The following MKI67 variants were observed in gnomAD, a reference collection of about 807,000 sequenced individuals.
The protein encoded by MKI67 is marker of proliferation Ki-67, also known as proliferation marker protein Ki-67.
MKI67 carries 152 observed loss-of-function variants against 233.5 expected under a neutral mutation model. The observed-to-expected ratio is 0.65, with a 90% CI of 0.57 to 0.74. MKI67 has a LOEUF of 0.74. Among genes scored for constraint, MKI67 ranks in the 30% least tolerant of loss-of-function variants. The pLI is 0.00. For synonymous variants in MKI67, 1,465 were observed against 1,418.5 expected, an observed-to-expected ratio of 1.03 and a Z score of -0.74; for missense variants, 3,940 against 3,885.2, an observed-to-expected ratio of 1.01 and a Z score of -0.37.
Position 128,112,401 on chromosome 10 carries a change from G to T in MKI67, c.1701C>A (p.Ile567=), listed in dbSNP as rs1245977830. ...PSGKQESGSE[I]HVEVKAQSLV... ...AGCTTTGTGCCTTCACTTCCACATG[G>T]ATTTCTGAACCTGACTCTTGTTTTC... The change falls in exon 9 of 15, where the codon ATC becomes ATA. Residue 567 remains isoleucine (I), a synonymous_variant. Coordinates refer to ENST00000368654, the MANE Select transcript of MKI67 (RefSeq NM_002417.5). 1 of 1,614,050 alleles carries T rather than the reference G, an allele frequency of 6.2e-7. No homozygotes were observed. Among genetic ancestry groups the T allele is most frequent in the African/African-American group, 1.3e-5 (1 of 74,924 alleles).
Position 128,108,850 on chromosome 10 carries a change from C to G in MKI67, c.2990G>C (p.Ser997Thr), listed in dbSNP as rs1264712645. 1 of 1,614,170 alleles carries G rather than the reference C, an allele frequency of 6.2e-7. No homozygotes were observed. Among genetic ancestry groups the G allele is most frequent in the African/African-American group, 1.3e-5 (1 of 75,044 alleles). Reference protein sequence around the residue: ...QTQDHAKAPKSEKGKITKMPC... With the variant: ...QTQDHAKAPKTEKGKITKMPC... The stretch of plus-strand genomic sequence containing the variant: ...CATTTTAGTGATTTTGCCTTTCTCA[C>G]TCTTTGGTGCCTTGGCATGATCTTG... Residue 997 changes from serine (S) to threonine (T), a missense_variant, in exon 13 of 15, where the codon AGT becomes ACT. Coordinates refer to ENST00000368654, the MANE Select transcript of MKI67 (RefSeq NM_002417.5).
In MKI67 at chr10:128,125,932, C is replaced by A. The variant is rs1470603664; in HGVS notation, c.-90+167G>T. 2.0e-5 allele frequency among the ~76,000 whole-genome samples: 3 copies of A among 152,048 alleles called. No homozygotes were observed. Among genetic ancestry groups the A allele is most frequent in the African/African-American group, 4.8e-5 (2 of 41,404 alleles). On this transcript the variant is annotated intron_variant, in intron 1 of 14. Coordinates refer to ENST00000368654, the MANE Select transcript of MKI67 (RefSeq NM_002417.5). This position sits in a 1 kb window ranked among gnomAD's most constrained non-coding sequence, Gnocchi z 5.3. ...CCGGCAGCTGGGGTGTTGTCGCCAGCGCCTGCGCCTCCTGGGAGCTTCCAC... is the reference window on the plus strand; with the variant it reads ...CCGGCAGCTGGGGTGTTGTCGCCAGAGCCTGCGCCTCCTGGGAGCTTCCAC...
rs367825953 is a variant in MKI67 at position 128,107,609 on chromosome 10, T to C, written c.4231A>G (p.Thr1411Ala). The change falls in exon 13 of 15, where the codon ACA becomes GCA. Residue 1411 changes from threonine (T) to alanine (A), a missense_variant. Physicochemically the swap from Thr to Ala is moderately conservative, Grantham distance 58. Coordinates refer to ENST00000368654, the MANE Select transcript of MKI67 (RefSeq NM_002417.5). ...TGTGTGGTTTCCCCTGATGTCTGTG[T>C]GAGCTTCTTCAGGGCTGAGAGCTCC... ...QKELSALKKL[T>A]QTSGETTHTD... The C allele has an allele frequency of 4.3e-6, 7 of 1,614,094 alleles. No homozygotes were observed. The highest frequency in any genetic ancestry group is 2.7e-5 in the African/African-American group (2 of 74,928).
Position 128,103,121 on chromosome 10 carries a change from C to T in MKI67, c.8719G>A (p.Ala2907Thr). The part of the protein sequence containing the change: ...DVIGSRRQPR[A>T]PKEKAQPLED... ...AGGGGTTGGGCCTTTTCCTTAGGTGCTCTTGGCTGTCTCCTGCTGCCAATT... is the reference window on the plus strand; with the variant it reads ...AGGGGTTGGGCCTTTTCCTTAGGTGTTCTTGGCTGTCTCCTGCTGCCAATT... The change falls in exon 13 of 15, where the codon GCA becomes ACA. Residue 2907 changes from alanine (A) to threonine (T), a missense_variant. Physicochemically the swap from Ala to Thr is moderately conservative, Grantham distance 58 (BLOSUM62 0). Coordinates refer to ENST00000368654, the MANE Select transcript of MKI67 (RefSeq NM_002417.5). The T allele has an allele frequency of 6.2e-7, 1 of 1,614,230 alleles. No individual in the cohort carries two copies.
rs141736143 is a variant in MKI67 at position 128,110,870 on chromosome 10, C to T, written c.2261-337G>A. On this transcript the variant is annotated intron_variant, in intron 11 of 14. Coordinates refer to ENST00000368654, the MANE Select transcript of MKI67 (RefSeq NM_002417.5). ...CGGGCTCCTGAGACCCATAGGCCTC[C>T]CTGCTAGGATCTAGAGGCCAAATGC... Among the ~76,000 whole-genome samples the T allele has an allele frequency of 1.2e-4, 19 of 152,296 alleles. No homozygotes were observed. The East Asian group carries it at 3.7e-3, about 29-fold the overall frequency.
At chr10:128,109,472 C>A in intron 12 of MKI67, 49 bp from the exon 13 acceptor site, 1 of 1,558,704 alleles carries the variant, frequency 6.4e-7, no homozygotes, top group South Asian at 1.2e-5. Context: ...TGTCTCATGT[C>A]AATCGAGTAT....
At chr10:128,102,456 G>T in intron 13 of MKI67, 123 bp downstream of exon 13, 2 of 1,232,830 alleles carry the variant, frequency 1.6e-6, no homozygotes, top group Non-Finnish European at 2.3e-6. Flanking sequence ...GTTATTCAGT[G>T]TTAAAGGAAA....
rs1316282406 is a variant in MKI67, at chr10:128,103,699, A to G, written c.8141T>C (p.Val2714Ala). Residue 2714 changes from valine (V) to alanine (A), a missense_variant, in exon 13 of 15, where the codon GTA becomes GCA. By Grantham distance (64) the Val-to-Ala change is moderately conservative. Transcript: ENST00000368654. Reference protein sequence around the residue: ...IPCESPPLEVVDTTASTKRHL... With the variant: ...IPCESPPLEVADTTASTKRHL... ...CCTCTTTGTGCTTGCTGTGGTGTCT[A>G]CCACTTCTAGTGGGGGAGATTCGCA... is the stretch of plus-strand genomic sequence containing the variant. 6.2e-7 allele frequency: 1 copy of G among 1,613,382 alleles called. No homozygotes were observed. Among genetic ancestry groups the G allele is most frequent in the Non-Finnish European group, 8.5e-7 (1 of 1,179,906 alleles).
intron 2 of MKI67, among the ~76,000 whole-genome samples, chr10:128,124,426 T>A (rs1260361930): frequency 6.6e-6 from 1 of 152,164 alleles, no homozygotes; most frequent in Non-Finnish European, 1.5e-5. Context: ...TCCTCCGCGA[T>A]GACAGCGCAT....
At position 128,102,903 on chromosome 10, in the gene MKI67, G is replaced by C. The variant is rs756992586; in HGVS notation, c.8937C>G (p.Asp2979Glu). ...TGCTTTTGCTTTGTGATTTTACAGG[G>C]TCTCTGGTGCTTACCACGTCTCCCA... ...EPVGDVVSTR[D>E]PVKSQSKSNT... Residue 2979 changes from aspartate (D) to glutamate (E), a missense_variant, in exon 13 of 15, where the codon GAC becomes GAG. Transcript: ENST00000368654. 6.2e-7 allele frequency: 1 copy of C among 1,614,146 alleles called. No homozygotes were observed. The highest frequency in any genetic ancestry group is 2.2e-5 in the East Asian group (1 of 44,884).
chr10:128,107,988 C>G lies in MKI67; in HGVS notation c.3852G>C (p.Ala1284=). 2 of 1,611,972 alleles carry G rather than the reference C, an allele frequency of 1.2e-6. No individual in the cohort carries two copies. Among genetic ancestry groups the G allele is most frequent in the Admixed American group, 1.7e-5 (1 of 59,788 alleles). ...CTGCTGATGGCATTAGATTCCTGCA[C>G]GCTAAGAGTTCTCCCTCTACATCTG... is the stretch of plus-strand genomic sequence containing the variant. The part of the protein sequence containing the change: ...RKADVEGELL[A]CRNLMPSAGK... Residue 1284 remains alanine, a synonymous_variant, in exon 13 of 15, where the codon GCG becomes GCC. Transcript: ENST00000368654.
rs748281750 is a variant in MKI67 at position 128,105,140 on chromosome 10, T to C, written c.6700A>G (p.Ile2234Val). The change falls in exon 13 of 15, where the codon ATC (isoleucine) becomes GTC (valine). Residue 2234 changes from isoleucine (I) to valine (V), a missense_variant. Physicochemically the swap from Ile to Val is conservative, Grantham distance 29 (BLOSUM62 3). Coordinates refer to ENST00000368654, the MANE Select transcript of MKI67 (RefSeq NM_002417.5). ...PQPDPVGTPT[I>V]FKPQSKRSLR... ...CTTCTCTTGGACTGTGGCTTGAAGA[T>C]TGTTGGGGTACCCACTGGGTCTGGT... The C allele has an allele frequency of 3.1e-6, 5 of 1,613,672 alleles. No individual in the cohort carries two copies. The Admixed American group carries it at 5.0e-5, about 16-fold the overall frequency.
At chr10:128,117,392 TCA>T (rs990746459) in intron 5 of MKI67, among the ~76,000 whole-genome samples, 1 of 152,234 alleles carries the variant, frequency 6.6e-6, no homozygotes, top group Non-Finnish European at 1.5e-5. Flanking sequence ...CATGGTATAT[TCA>T]CAGATTCTGC....
In MKI67 at chr10:128,107,349, T is replaced by C. The variant is rs571599908; in HGVS notation, c.4491A>G (p.Gln1497=). 1.1e-5 allele frequency: 18 copies of C among 1,613,952 alleles called. No individual in the cohort carries two copies. In the Admixed American group the frequency reaches 1.2e-4, roughly 10 times the overall value. Residue 1497 remains glutamine (Q), a synonymous_variant, in exon 13 of 15, where the codon CAA becomes CAG. Transcript: ENST00000368654. ...TTGTTGGTGTGTCCACTGGGTCTGG[T>C]TGTGATCTGCAGGCTATTTTGGTAG... ...EKTTKIACRS[Q]PDPVDTPTSS... is the part of the protein sequence containing the mutation.
Position 128,104,340 on chromosome 10 carries a change from C to T in MKI67, c.7500G>A (p.Lys2500=), listed in dbSNP as rs749149588. 2.5e-6 allele frequency: 4 copies of T among 1,614,208 alleles called. No individual in the cohort carries two copies. In the South Asian group the frequency reaches 4.4e-5, roughly 18 times the overall value. The change falls in exon 13 of 15, where the codon AAG becomes AAA. Residue 2500 remains lysine (K), a synonymous_variant. Transcript: ENST00000368654. ...DMKEEPLAVS[K]LTRTSGETTQ... Reference sequence around the variant, plus strand: ...TAGTCTCCCCTGATGTCCGTGTGAGCTTGCTGACTGCTAGGGGCTCTTCTT... The same window carrying T: ...TAGTCTCCCCTGATGTCCGTGTGAGTTTGCTGACTGCTAGGGGCTCTTCTT...
intron 4 of MKI67, among the ~76,000 whole-genome samples, chr10:128,121,440 TGTATAC>T (rs1173936722): frequency 7.1e-6 from 1 of 140,390 alleles, no homozygotes; most frequent in Non-Finnish European, 1.5e-5. Flanking sequence ...TAGTATATAC[TGTATAC>T]AGTATATACT....
chr10:128,101,122 T>C (rs1198512328), intron 14 of MKI67, 136 bp downstream of exon 14: 5 of 776,874 alleles, frequency 6.4e-6, no homozygotes, highest in Non-Finnish European at 1.0e-5. Flanking sequence ...AGCATAATGC[T>C]CCTTCCATTA....
chr10:128,108,060 G>T lies in MKI67; in HGVS notation c.3780C>A (p.Asp1260Glu). ...GTCGTTGCTTTGTGCTTGTTGGGGT[G>T]TCCACTGGGTCTGACTGTGGAGAGT... Reference protein sequence around the residue: ...PCDSPQSDPVDTPTSTKQRPK... With the variant: ...PCDSPQSDPVETPTSTKQRPK... The change falls in exon 13 of 15, where the codon GAC becomes GAA. Residue 1260 changes from aspartate to glutamate, a missense_variant. Coordinates refer to ENST00000368654, the MANE Select transcript of MKI67 (RefSeq NM_002417.5). The T allele has an allele frequency of 6.2e-7, 1 of 1,613,850 alleles. No individual in the cohort carries two copies. Among genetic ancestry groups the T allele is most frequent in the Non-Finnish European group, 8.5e-7 (1 of 1,180,006 alleles).
rs959206015 is a variant in MKI67 at position 128,097,292 on chromosome 10, C to T, written c.*1898G>A. ...GTCAGATCTCTCCCTCCCCCAGTAC[C>T]AAGGAGGGTTGTGTAGAAGTGGTGT... is the stretch of plus-strand genomic sequence containing the variant. On this transcript the variant is annotated 3_prime_UTR_variant, in exon 15 of 15. Coordinates refer to ENST00000368654, the MANE Select transcript of MKI67 (RefSeq NM_002417.5). 6.6e-6 allele frequency: 1 copy of T among 152,106 alleles called. No individual in the cohort carries two copies. The highest frequency in any genetic ancestry group is 2.1e-4 in the South Asian group (1 of 4,822). The allele number at this position is 152,106 out of a possible 1,614,324, so 9.4% of individuals were successfully genotyped here.
Sources: allele counts gnomAD v4.1 joint callset (sites outside exome capture counted in the v4.1 genomes callset), GRCh38; gene constraint gnomAD v4.1.1; non-coding constraint Gnocchi (gnomAD v3.1); transcripts MANE v1.5; gene names NCBI Gene and HGNC (gene_info 2026-07-23, HGNC 2026-07-21).